NHS: variants seen among roughly 807,000 people sequenced by gnomAD.
NHS encodes the protein NHS actin remodeling regulator.
NHS carries 5 observed loss-of-function variants against 72.5 expected under a neutral mutation model. The ratio of observed to expected loss-of-function variants is 0.07; its 90% confidence interval spans 0.04 to 0.14. The LOEUF (loss-of-function observed/expected upper bound fraction) is 0.14. NHS is among the 10% of genes least tolerant of loss of function. The pLI, the probability that NHS is intolerant of heterozygous loss-of-function variation, is 1.00. For synonymous variants in NHS, 464 were observed against 547.7 expected (o/e 0.85, Z 2.13); for missense variants, 1,072 against 1,355.7 (o/e 0.79, Z 3.29).
intron 1 of NHS, among the ~76,000 whole-genome samples, chrX:17,545,189 G>A (rs1052077295): frequency 5.3e-5 from 6 of 112,549 alleles, no homozygotes; most frequent in African/African-American, 1.9e-4. Flanking sequence ...AGAGTGTGAT[G>A]GCCAGGGCTA....
chrX:17,447,803 A>ACG (rs1166158339), intron 1 of NHS, among the ~76,000 whole-genome samples: 10 of 109,665 alleles, frequency 9.1e-5, no homozygotes, highest in African/African-American at 3.3e-4. Context: ...ACACACACAC[A>ACG]CACACACACA....
chrX:17,605,961 CA>C (rs1420930384), intron 1 of NHS, among the ~76,000 whole-genome samples: 1 of 112,102 alleles, frequency 8.9e-6, no homozygotes, highest in Non-Finnish European at 1.9e-5. Context: ...GCTTTTATGC[CA>C]CAGGATTGTA....
chrX:17,623,620 A>ATAGG (rs2065784998), intron 1 of NHS, among the ~76,000 whole-genome samples: 1 of 111,780 alleles, frequency 8.9e-6, no homozygotes, highest in Non-Finnish European at 1.9e-5. Flanking sequence ...ACCACAGGAT[A>ATAGG]TAGGTATGAG....
intron 1 of NHS, among the ~76,000 whole-genome samples, chrX:17,453,796 C>T (rs982474254): frequency 8.9e-6 from 1 of 111,995 alleles, no homozygotes. Context: ...GGTCACTGCT[C>T]ACTCTAGGAG....
chrX:17,479,365 C>T (rs907483001), intron 1 of NHS, among the ~76,000 whole-genome samples: 10 of 112,212 alleles, frequency 8.9e-5, no homozygotes, highest in African/African-American at 2.6e-4. Context: ...AATAAATATA[C>T]GTGTGCATGT....
intron 1 of NHS, among the ~76,000 whole-genome samples, chrX:17,576,807 G>T (rs2065514655): frequency 8.9e-6 from 1 of 111,856 alleles, no homozygotes; most frequent in Non-Finnish European, 1.9e-5. Flanking sequence ...ACCCTATCCA[G>T]TTCTGTTCAA....
intron 1 of NHS, among the ~76,000 whole-genome samples, chrX:17,652,114 A>T (rs919590661): frequency 8.9e-6 from 1 of 112,561 alleles, no homozygotes; most frequent in African/African-American, 3.2e-5. Flanking sequence ...AACAGAGACT[A>T]CATAGCCAGC....
intron 3 of NHS, among the ~76,000 whole-genome samples, chrX:17,699,733 C>G (rs1276613673): frequency 8.9e-6 from 1 of 111,955 alleles, no homozygotes; most frequent in Non-Finnish European, 1.9e-5. Flanking sequence ...CCATACACAA[C>G]AGTAAACTCC....
At chrX:17,475,445 A>T (rs1056681692) in intron 1 of NHS, among the ~76,000 whole-genome samples, 3 of 112,438 alleles carry the variant, frequency 2.7e-5, no homozygotes, top group Non-Finnish European at 5.6e-5. Context: ...CTTGGTAGCC[A>T]TTCAGGCCCT....
chrX:17,469,935 C>A (rs1335779966), intron 1 of NHS, among the ~76,000 whole-genome samples: 1 of 111,596 alleles, frequency 9.0e-6, no homozygotes, highest in South Asian at 3.8e-4. Flanking sequence ...CCATGCCCAG[C>A]CATTTTTGCT....
intron 1 of NHS, among the ~76,000 whole-genome samples, chrX:17,412,605 AAG>A (rs777077115): frequency 8.2e-5 from 9 of 109,677 alleles, no homozygotes; most frequent in African/African-American, 9.9e-5. Context: ...CTTAAGAAGA[AAG>A]AGAGAGAGAG....
At chrX:17,587,688 G>A (rs73443701) in intron 1 of NHS, among the ~76,000 whole-genome samples, 3,173 of 112,086 alleles carry the variant, frequency 0.028, 108 homozygotes, top group African/African-American at 0.096. Flanking sequence ...GCTTCCTGGA[G>A]CCACAGTTGG....
At chrX:17,676,369 T>C (rs2066080598) in intron 1 of NHS, among the ~76,000 whole-genome samples, 1 of 111,780 alleles carries the variant, frequency 8.9e-6, no homozygotes, top group Non-Finnish European at 1.9e-5. Flanking sequence ...GTGCATTGCC[T>C]CCTTTCTTCT....
At position 17,692,451 on chromosome X, in the gene NHS, G is replaced by A. The variant is rs1451981083; in HGVS notation, c.835G>A (p.Asp279Asn). ...CAGCCAGAGGAGGCGTGAGTTTAAGGACCGTCACTTTTTAACGGTAAGTTT... is the reference window on the plus strand; with the variant it reads ...CAGCCAGAGGAGGCGTGAGTTTAAGAACCGTCACTTTTTAACGGTAAGTTT... ...AHSQRRREFK[D>N]RHFLTFNSTR... The change falls in exon 3 of 9, where the codon GAC (aspartate) becomes AAC (asparagine). Residue 279 changes from aspartate to asparagine, a missense_variant. Coordinates refer to ENST00000676302, the MANE Select transcript of NHS (RefSeq NM_001291867.2). 2 of 1,207,973 alleles carry A rather than the reference G, an allele frequency of 1.7e-6. No individual in the cohort carries two copies.
chrX:17,578,004 C>T (rs1456722356), intron 1 of NHS, among the ~76,000 whole-genome samples: 1 of 112,233 alleles, frequency 8.9e-6, no homozygotes, highest in Non-Finnish European at 1.9e-5. Flanking sequence ...ATTCAACAAA[C>T]TTGTTTGTGT....
At chrX:17,718,789 AAAG>A (rs1386430944) in intron 3 of NHS, among the ~76,000 whole-genome samples, 1 of 90,362 alleles carries the variant, frequency 1.1e-5, no homozygotes, top group Admixed American at 1.2e-4. Context: ...GGAAGGAGGG[AAAG>A]AAGGAAGGAA....
At position 17,726,401 on chromosome X, in the gene NHS, G is replaced by A. The variant is rs1448321335; in HGVS notation, c.2295G>A (p.Lys765=). The change falls in exon 7 of 9, where the codon AAG becomes AAA. Residue 765 remains lysine, a synonymous_variant. Transcript: ENST00000676302. ...SMATYDSFLE[K]SPSDKADTSS... ...CCACTTATGACAGCTTTCTGGAAAA[G>A]TCTCCATCAGACAAAGCGGACACTA... The A allele has an allele frequency of 8.3e-7, 1 of 1,210,708 alleles. No homozygotes were observed. Among genetic ancestry groups the A allele is most frequent in the Admixed American group, 2.2e-5 (1 of 45,885 alleles).
chrX:17,602,637 TG>T (rs2065656437), intron 1 of NHS, among the ~76,000 whole-genome samples: 1 of 110,564 alleles, frequency 9.0e-6, no homozygotes, highest in Non-Finnish European at 1.9e-5. Context: ...TAGCCTAGCA[TG>T]GATGCTGCAA....
chrX:17,516,851 A>C (rs1160667516), intron 1 of NHS, among the ~76,000 whole-genome samples: 6 of 112,371 alleles, frequency 5.3e-5, no homozygotes, highest in African/African-American at 1.9e-4. Flanking sequence ...CCTTAAAAGC[A>C]AAAGCTTGTT....
Sources: allele counts gnomAD v4.1 joint callset (sites outside exome capture counted in the v4.1 genomes callset), GRCh38; gene constraint gnomAD v4.1.1; transcripts MANE v1.5; gene names NCBI Gene and HGNC (gene_info 2026-07-23, HGNC 2026-07-21).